USP22: variants seen among roughly 807,000 people sequenced by gnomAD.
The protein encoded by USP22 is ubiquitin carboxyl-terminal hydrolase 22.
In USP22, 22 loss-of-function variants were observed where a neutral mutation model predicts 68.1. The observed-to-expected ratio is 0.32, with a 90% CI of 0.23 to 0.46. USP22 has a LOEUF of 0.46. Among genes scored for constraint, USP22 ranks in the 20% least tolerant of loss-of-function variants. The pLI is 1.00. For synonymous variants in USP22, 279 were observed against 274.2 expected, an observed-to-expected ratio of 1.02 and a Z score of -0.17; for missense variants, 433 against 695.8, an observed-to-expected ratio of 0.62 and a Z score of 4.25.
chr17:21,024,425 A>C (rs1349721011), intron 2 of USP22, among the ~76,000 whole-genome samples: 4 of 152,184 alleles, frequency 2.6e-5, no homozygotes, highest in Non-Finnish European at 1.5e-5. Context: ...ACCGACATCC[A>C]CAAGGCATCA....
chr17:21,029,153 C>T (rs1972258643), intron 1 of USP22, among the ~76,000 whole-genome samples: 1 of 152,180 alleles, frequency 6.6e-6, no homozygotes, highest in African/African-American at 2.4e-5. Context: ...AGGAGCAGGG[C>T]ATTACCAAGA....
In USP22 at chr17:21,000,318, C is replaced by T. The variant is rs958631620; in HGVS notation, c.*2713G>A. The T allele has an allele frequency of 2.0e-5, 3 of 152,228 alleles. No individual in the cohort carries two copies. Among genetic ancestry groups the T allele is most frequent in the African/African-American group, 7.2e-5 (3 of 41,444 alleles). 9.4% of individuals were successfully genotyped at this position (152,228 alleles called of 1,614,324 possible). A position where few individuals can be genotyped will look rare whatever the true frequency, so the allele number is the denominator to read the frequency against. ...CTGACAAAGTAAATTCACAAGAACACATCAAACACAAGACCTAATGCAAGG... is the reference window on the plus strand; with the variant it reads ...CTGACAAAGTAAATTCACAAGAACATATCAAACACAAGACCTAATGCAAGG... On this transcript the variant is annotated 3_prime_UTR_variant, in exon 13 of 13. Coordinates refer to ENST00000261497, the MANE Select transcript of USP22 (RefSeq NM_015276.2).
intron 1 of USP22, among the ~76,000 whole-genome samples, chr17:21,040,840 T>A (rs1395020755): frequency 6.6e-6 from 1 of 150,546 alleles, no homozygotes; most frequent in East Asian, 1.9e-4. Flanking sequence ...TGACCCAGAG[T>A]AGCAACAGCA....
intron 1 of USP22, among the ~76,000 whole-genome samples, chr17:21,029,868 C>T (rs2143617935): frequency 6.6e-6 from 1 of 152,308 alleles, no homozygotes; most frequent in East Asian, 1.9e-4. Context: ...AGGACGTTGC[C>T]AGGGGCTGGG....
At chr17:21,005,294 G>C (rs1222086866) in intron 10 of USP22, 3 of 379,680 alleles carry the variant, frequency 7.9e-6, no homozygotes, top group African/African-American at 6.1e-5. Context: ...AGTTTGGTTT[G>C]TGACAAAGCA....
chr17:21,007,073 G>T, intron 9 of USP22, 86 bp from the exon 10 acceptor site: 1 of 1,144,994 alleles, frequency 8.7e-7, no homozygotes, highest in Non-Finnish European at 1.2e-6. Context: ...CTGATGACAG[G>T]TGTCTGTGTT....
Position 21,026,517 on chromosome 17 carries a change from T to A in USP22, c.304+2025A>T, listed in dbSNP as rs150471164. Among the ~76,000 whole-genome samples, 1,032 of 151,912 alleles carry A rather than the reference T, an allele frequency of 6.8e-3. 9 individuals are homozygous for A. The highest frequency in any genetic ancestry group is 0.023 in the African/African-American group (960 of 41,404). On this transcript the variant is annotated intron_variant, in intron 2 of 12. Coordinates refer to ENST00000261497, the MANE Select transcript of USP22 (RefSeq NM_015276.2). ...TTTTAAATTTTTTGTAGAGACAGGA[T>A]TTCACCATGTTGTCCAGACTAGTCT...
chr17:21,012,285 A>C (rs974276035), intron 7 of USP22, among the ~76,000 whole-genome samples: 1 of 151,900 alleles, frequency 6.6e-6, no homozygotes, highest in African/African-American at 2.4e-5. Context: ...AAAACAAAAA[A>C]CCTGTAGCAT....
chr17:21,033,683 A>G (rs1297602399), intron 1 of USP22, among the ~76,000 whole-genome samples: 4 of 152,166 alleles, frequency 2.6e-5, no homozygotes, highest in Non-Finnish European at 5.9e-5. Flanking sequence ...GGTAAGTTTA[A>G]TTCTTGTGCA....
At chr17:21,023,348 A>AT (rs869058161) in intron 2 of USP22, among the ~76,000 whole-genome samples, 1 of 152,126 alleles carries the variant, frequency 6.6e-6, no homozygotes, top group Non-Finnish European at 1.5e-5. Context: ...AAGTTAAAAT[A>AT]TTTTTTAAAA....
At chr17:21,019,286 A>G in intron 3 of USP22, 101 bp from the exon 4 acceptor site, 2 of 1,182,312 alleles carry the variant, frequency 1.7e-6, no homozygotes, top group South Asian at 2.5e-5. Flanking sequence ...GTCAGGGTGC[A>G]TTTCAGTGAG....
Position 21,021,242 on chromosome 17 carries a change from A to C in USP22, c.305-16T>G. 2 of 1,572,564 alleles carry C rather than the reference A, an allele frequency of 1.3e-6. No individual in the cohort carries two copies. The highest frequency in any genetic ancestry group is 1.1e-5 in the South Asian group (1 of 90,036). On this transcript the variant is annotated splice_polypyrimidine_tract_variant and intron_variant, in intron 2 of 12. Coordinates refer to ENST00000261497, the MANE Select transcript of USP22 (RefSeq NM_015276.2). ...AGATCAATGGCTGAGGAGAGAAAGG[A>C]GGGAGGAGAAACCAAGTTGAATTAA...
chr17:21,015,647 T>G (rs565670153), intron 6 of USP22, 105 bp downstream of exon 6: 57 of 1,399,558 alleles, frequency 4.1e-5, no homozygotes, highest in Non-Finnish European at 5.1e-5. Flanking sequence ...CAATGGAATG[T>G]GTCACCTGTG....
intron 1 of USP22, among the ~76,000 whole-genome samples, chr17:21,037,873 T>C (rs1163271223): frequency 6.6e-6 from 1 of 152,228 alleles, no homozygotes; most frequent in Non-Finnish European, 1.5e-5. Flanking sequence ...TTGTACTCCA[T>C]TTCTGCAAGA....
intron 2 of USP22, among the ~76,000 whole-genome samples, chr17:21,024,025 T>C (rs1245312791): frequency 6.6e-6 from 1 of 152,232 alleles, no homozygotes; most frequent in South Asian, 2.1e-4. Flanking sequence ...AGCAGATCTG[T>C]TGAAACTCAA....
chr17:21,023,335 T>C (rs986707266), intron 2 of USP22, among the ~76,000 whole-genome samples: 37 of 152,014 alleles, frequency 2.4e-4, no homozygotes, highest in African/African-American at 8.7e-4. Flanking sequence ...GAAACTAAAA[T>C]AAAAGTTAAA....
At chr17:21,042,423 G>C (rs1449221697) in intron 1 of USP22, 1 of 319,114 alleles carries the variant, frequency 3.1e-6, no homozygotes, top group Non-Finnish European at 5.7e-6. Context: ...AGGAAGAATG[G>C]GGGAAGGGGG....
chr17:21,025,443 A>G (rs1972207712), intron 2 of USP22, among the ~76,000 whole-genome samples: 1 of 152,196 alleles, frequency 6.6e-6, no homozygotes, highest in Admixed American at 6.5e-5. Context: ...CAAAAAAAAG[A>G]TGGTGTTTCA....
chr17:21,027,303 A>AAAAAAAAAAAAAAAAAAAAAAAAAAAC (rs1259740503), intron 2 of USP22, among the ~76,000 whole-genome samples: 1 of 144,642 alleles, frequency 6.9e-6, no homozygotes, highest in Non-Finnish European at 1.6e-5. Context: ...AAAAAAAAAA[A>AAAAAAAAAAAAAAAAAAAAAAAAAAAC]AAAAAAATCA....
Sources: gnomAD v4.1 joint callset for allele counts (sites outside exome capture counted in the v4.1 genomes callset) on GRCh38, gnomAD v4.1.1 for gene constraint, MANE v1.5 for transcripts, NCBI Gene and HGNC (gene_info 2026-07-23, HGNC 2026-07-21) for gene names.